The following RUFY3 variants were observed in gnomAD, a reference collection of about 807,000 sequenced individuals.
RUFY3 encodes protein RUFY3.
In RUFY3, 34 loss-of-function variants were observed where a neutral mutation model predicts 84.0. The observed-to-expected ratio is 0.40, with a 90% confidence interval of 0.31 to 0.54. RUFY3 has a LOEUF of 0.54. RUFY3 is among the 20% of genes least tolerant of loss of function. The pLI is 0.39. For synonymous variants in RUFY3, 242 were observed against 252.9 expected (o/e 0.96, Z 0.41); for missense variants, 507 against 736.8 (o/e 0.69, Z 3.61).
chr4:70,800,325 G>T, intron 15 of RUFY3, 120 bp downstream of exon 15: 1 of 677,298 alleles, frequency 1.5e-6, no homozygotes, highest in South Asian at 2.3e-5. Context: ...ATATTAATAT[G>T]CCAGGAAGAC....
chr4:70,739,117 G>T (rs1720897994), intron 1 of RUFY3, among the ~76,000 whole-genome samples: 2 of 150,432 alleles, frequency 1.3e-5, no homozygotes, highest in Non-Finnish European at 2.9e-5. Context: ...TGTGGAGAAA[G>T]TAGACCTTGG....
At chr4:70,777,622 T>C (rs924244986) in intron 7 of RUFY3, among the ~76,000 whole-genome samples, 2 of 152,170 alleles carry the variant, frequency 1.3e-5, no homozygotes, top group African/African-American at 4.8e-5. Flanking sequence ...AAAGATATGG[T>C]TACAGTTAAC....
intron 1 of RUFY3, among the ~76,000 whole-genome samples, chr4:70,724,743 TAAAG>T (rs1034184820): frequency 3.4e-4 from 51 of 152,210 alleles, no homozygotes; most frequent in African/African-American, 1.1e-3. Context: ...GAAATGAAAA[TAAAG>T]AAAGCATAGT....
At chr4:70,711,355 C>T (rs1177847974) in intron 1 of RUFY3, among the ~76,000 whole-genome samples, 1 of 152,144 alleles carries the variant, frequency 6.6e-6, no homozygotes, top group East Asian at 1.9e-4. Context: ...GAGGCGTCTG[C>T]CCAGGCTGGA....
At chr4:70,736,152 C>CAAAAAAAAAAAAAAA (rs1020403164) in intron 1 of RUFY3, among the ~76,000 whole-genome samples, 1 of 60,870 alleles carries the variant, frequency 1.6e-5, no homozygotes, top group African/African-American at 6.2e-5. Flanking sequence ...GACCCTGTCT[C>CAAAAAAAAAAAAAAA]AAAAAAAAAA....
chr4:70,775,779 C>G (rs936525077), intron 7 of RUFY3, among the ~76,000 whole-genome samples: 15 of 151,886 alleles, frequency 9.9e-5, no homozygotes, highest in Admixed American at 5.3e-4. Flanking sequence ...GACCTTGTCT[C>G]TATTAAAAAA....
chr4:70,720,537 A>G (rs1327192711), upstream of RUFY3, among the ~76,000 whole-genome samples: 1 of 44,424 alleles, frequency 2.3e-5, no homozygotes, highest in African/African-American at 4.5e-5. Flanking sequence ...ACAGAATTTG[A>G]TTATTAGCAT....
At position 70,800,208 on chromosome 4, in the gene RUFY3, G is replaced by T. The variant is rs771515191; in HGVS notation, c.1622+3G>T. ...AAGCCCCTGGAAGAAAGCCACAGGT[G>T]TTTGTTAATCAAGTATTAACTAAGA... is the stretch of plus-strand genomic sequence containing the variant. On this transcript the variant is annotated splice_donor_region_variant and intron_variant, in intron 15 of 17. Coordinates refer to ENST00000381006, the MANE Select transcript of RUFY3 (RefSeq NM_001037442.4). 1.9e-6 allele frequency: 3 copies of T among 1,598,582 alleles called. No individual in the cohort carries two copies. The East Asian group carries it at 6.7e-5, about 36-fold the overall frequency.
At chr4:70,750,743 T>C (rs753053517) in intron 1 of RUFY3, among the ~76,000 whole-genome samples, 1 of 151,242 alleles carries the variant, frequency 6.6e-6, no homozygotes, top group Non-Finnish European at 1.5e-5. Flanking sequence ...ATTTTCTGTC[T>C]CTGCAGTTTT....
chr4:70,715,707 A>G (rs1741499254), intron 1 of RUFY3, among the ~76,000 whole-genome samples: 1 of 152,172 alleles, frequency 6.6e-6, no homozygotes, highest in African/African-American at 2.4e-5. Context: ...AAGCTGCCAA[A>G]CAGAACTTTG....
At chr4:70,772,354 G>C (rs1727109761) in intron 5 of RUFY3, among the ~76,000 whole-genome samples, 1 of 152,038 alleles carries the variant, frequency 6.6e-6, no homozygotes, top group Non-Finnish European at 1.5e-5. Context: ...TGTACTAAAG[G>C]CCATTAAAGC....
At chr4:70,711,605 C>CT (rs1462357637) in intron 1 of RUFY3, among the ~76,000 whole-genome samples, 19 of 152,324 alleles carry the variant, frequency 1.2e-4, no homozygotes, top group Admixed American at 1.2e-3. Context: ...CATTAAGTGC[C>CT]TTTTGTCAAA....
chr4:70,774,614 C>CAAAAAAAAAAAAAAAAAA (rs1172638290), intron 6 of RUFY3, among the ~76,000 whole-genome samples: 1 of 22,084 alleles, frequency 4.5e-5, no homozygotes, highest in Non-Finnish European at 7.0e-5. Context: ...GACTCTGCCT[C>CAAAAAAAAAAAAAAAAAA]AAAAAAAAAA....
chr4:70,793,473 A>G (rs774143612), intron 12 of RUFY3: 51 of 1,161,754 alleles, frequency 4.4e-5, no homozygotes, highest in Non-Finnish European at 5.4e-5. Context: ...GGCTTTGGAT[A>G]TGGATTTTCT....
chr4:70,773,405 A>C, intron 5 of RUFY3, 106 bp from the exon 6 acceptor site: 1 of 680,172 alleles, frequency 1.5e-6, no homozygotes. Context: ...ATTTCTAGTA[A>C]GTGTCATGAC....
At chr4:70,766,948 C>T (rs915426643) in intron 4 of RUFY3, among the ~76,000 whole-genome samples, 3 of 152,112 alleles carry the variant, frequency 2.0e-5, no homozygotes, top group Non-Finnish European at 4.4e-5. Flanking sequence ...ACTGTTGTTA[C>T]CAGGGGTTTA....
rs73827003 is a variant in RUFY3 at position 70,791,170 on chromosome 4, G to T, written c.1337+1578G>T. Reference sequence around the variant, plus strand: ...TTCTCTTGCTATTTTTGTGTTTCCTGTTTATCCATTTTCTCATTCTCCTTT... The same window carrying T: ...TTCTCTTGCTATTTTTGTGTTTCCTTTTTATCCATTTTCTCATTCTCCTTT... On this transcript the variant is annotated intron_variant, in intron 12 of 17. Coordinates refer to ENST00000381006, the MANE Select transcript of RUFY3 (RefSeq NM_001037442.4). 171 of 1,452,044 alleles carry T rather than the reference G, an allele frequency of 1.2e-4. No homozygotes were observed. In the East Asian group the frequency reaches 2.4e-3, roughly 21 times the overall value. 89.9% of individuals were successfully genotyped at this position (1,452,044 alleles called of 1,614,324 possible).
chr4:70,788,910 A>G lies in RUFY3; in HGVS notation c.1176A>G (p.Val392=). 1 of 1,614,196 alleles carries G rather than the reference A, an allele frequency of 6.2e-7. No individual in the cohort carries two copies. Among genetic ancestry groups the G allele is most frequent in the Non-Finnish European group, 8.5e-7 (1 of 1,180,042 alleles). ...KDVCEKQDAL[V]SLRQQLDDLR... The stretch of plus-strand genomic sequence containing the variant: ...TCTGTGAGAAGCAGGATGCCCTGGT[A>G]TCTCTTCGGCAGCAGCTGGATGACC... The change falls in exon 11 of 18, where the codon GTA becomes GTG. Residue 392 remains valine, a synonymous_variant. Transcript: ENST00000381006.
rs1437454598 is a variant in RUFY3 at position 70,756,453 on chromosome 4, G to A, written c.179-6066G>A. Among the ~76,000 whole-genome samples the A allele has an allele frequency of 2.0e-5, 3 of 152,122 alleles. No homozygotes were observed. The East Asian group carries it at 5.8e-4, about 29-fold the overall frequency. On this transcript the variant is annotated intron_variant, in intron 1 of 17. Coordinates refer to ENST00000381006, the MANE Select transcript of RUFY3 (RefSeq NM_001037442.4). ...CCTTAAACAAGGTCCTTAGCAGTCT[G>A]CCCTTGTCTCTTTCTCTTGTCTCAT...
Sources: allele counts gnomAD v4.1 joint callset (sites outside exome capture counted in the v4.1 genomes callset), GRCh38; gene constraint gnomAD v4.1.1; transcripts MANE v1.5; gene names NCBI Gene and HGNC (gene_info 2026-07-23, HGNC 2026-07-21).